TPH2: variants seen among roughly 807,000 people sequenced by gnomAD.
TPH2 encodes the protein tryptophan hydroxylase 2, also known as tryptophan 5-hydroxylase 2.
TPH2 carries 27 observed loss-of-function variants against 59.1 expected under a neutral mutation model. The ratio of observed to expected loss-of-function variants is 0.46; its 90% CI spans 0.34 to 0.63. The LOEUF is 0.63. TPH2 is among the 30% of genes least tolerant of loss of function. TPH2 has a pLI of 0.01. For missense variants in TPH2, 523 were observed against 588.3 expected (o/e 0.89, Z 1.15); for synonymous variants, 220 against 210.5 (o/e 1.05, Z -0.39).
At chr12:71,967,737 C>G (rs1480332825) in intron 5 of TPH2, among the ~76,000 whole-genome samples, 1 of 151,854 alleles carries the variant, frequency 6.6e-6, no homozygotes, top group African/African-American at 2.4e-5. Flanking sequence ...TTTATTTTTC[C>G]CACTCTTTAC....
intron 8 of TPH2, among the ~76,000 whole-genome samples, chr12:72,011,355 T>C (rs1045752023): frequency 1.3e-5 from 2 of 152,184 alleles, no homozygotes; most frequent in African/African-American, 2.4e-5. Flanking sequence ...ATAAAACCAA[T>C]TTTTAAAGAG....
rs771301512 is a variant in TPH2 at position 72,031,350 on chromosome 12, C to T, written c.1257C>T (p.Tyr419=). 8 of 1,613,586 alleles carry T rather than the reference C, an allele frequency of 5.0e-6. No individual in the cohort carries two copies. In the Admixed American group the frequency reaches 1.3e-4, roughly 27 times the overall value. The part of the protein sequence containing the change: ...ECLITTFQEA[Y]FVSESFEEAK... ...TTATCACCACCTTCCAGGAAGCCTA[C>T]TTTGTTTCAGAAAGTTTTGAAGAAG... The change falls in exon 10 of 11, where the codon TAC becomes TAT. Residue 419 remains tyrosine, a synonymous_variant. Transcript: ENST00000333850.
chr12:71,966,452 T>C (rs953463825), intron 5 of TPH2, among the ~76,000 whole-genome samples: 5 of 152,202 alleles, frequency 3.3e-5, no homozygotes, highest in African/African-American at 1.2e-4. Flanking sequence ...TTCTTTGTTT[T>C]CTCCAACCGC....
intron 1 of TPH2, among the ~76,000 whole-genome samples, chr12:71,941,368 A>G (rs1871059485): frequency 6.6e-6 from 1 of 152,164 alleles, no homozygotes; most frequent in South Asian, 2.1e-4. Context: ...TTCAACCACT[A>G]GATGATGTCT....
intron 7 of TPH2, among the ~76,000 whole-genome samples, chr12:71,985,990 C>A (rs1226300865): frequency 6.6e-6 from 1 of 152,158 alleles, no homozygotes; most frequent in Non-Finnish European, 1.5e-5. Context: ...GCACTGCAGA[C>A]CCAAATATGA....
At chr12:71,987,640 C>T (rs1039510903) in intron 7 of TPH2, among the ~76,000 whole-genome samples, 11 of 152,016 alleles carry the variant, frequency 7.2e-5, no homozygotes, top group South Asian at 2.1e-4. Context: ...CCTGAGGTCA[C>T]GAGTTTGAGA....
At chr12:71,989,754 A>G (rs1198730086) in intron 7 of TPH2, among the ~76,000 whole-genome samples, 3 of 152,242 alleles carry the variant, frequency 2.0e-5, no homozygotes, top group Non-Finnish European at 2.9e-5. Flanking sequence ...TTTGAACTTA[A>G]CAACCAGAAC....
At chr12:71,967,487 C>A (rs889029597) in intron 5 of TPH2, among the ~76,000 whole-genome samples, 4 of 152,200 alleles carry the variant, frequency 2.6e-5, no homozygotes, top group Non-Finnish European at 4.4e-5. Context: ...CTCATACAAT[C>A]TTAGTTTGCC....
chr12:71,971,189 A>C (rs936773120), intron 5 of TPH2, among the ~76,000 whole-genome samples: 23 of 152,176 alleles, frequency 1.5e-4, no homozygotes, highest in African/African-American at 5.6e-4. Context: ...CCTGAGTGAC[A>C]GTTGCTGTCT....
At chr12:71,939,395 CAAAAAAAAAA>C (rs5799057) in intron 1 of TPH2, among the ~76,000 whole-genome samples, 1 of 121,686 alleles carries the variant, frequency 8.2e-6, no homozygotes, top group Non-Finnish European at 1.6e-5. Flanking sequence ...AATCTACAGC[CAAAAAAAAAA>C]AAAAAAAAAT....
intron 9 of TPH2, among the ~76,000 whole-genome samples, chr12:72,024,033 A>C (rs760940648): frequency 1.4e-4 from 22 of 151,952 alleles, no homozygotes; most frequent in Non-Finnish European, 3.2e-4. Flanking sequence ...TCTGGGCTCA[A>C]ATCCCAGCCA....
Position 71,979,034 on chromosome 12 carries a change from C to T in TPH2, c.888C>T (p.Phe296=). The T allele has an allele frequency of 6.2e-7, 1 of 1,614,120 alleles. No individual in the cohort carries two copies. The part of the protein sequence containing the change: ...DFLAGLAYRV[F]HCTQYIRHGS... Reference sequence around the variant, plus strand: ...TGGCAGGACTGGCCTACAGAGTGTTCCACTGTACCCAGTACATCCGGCATG... The same window carrying T: ...TGGCAGGACTGGCCTACAGAGTGTTTCACTGTACCCAGTACATCCGGCATG... The change falls in exon 7 of 11, where the codon TTC becomes TTT. Residue 296 remains phenylalanine (F), a synonymous_variant. Coordinates refer to ENST00000333850, the MANE Select transcript of TPH2 (RefSeq NM_173353.4).
chr12:71,955,337 G>C (rs1228944277), intron 5 of TPH2, among the ~76,000 whole-genome samples: 1 of 152,126 alleles, frequency 6.6e-6, no homozygotes, highest in African/African-American at 2.4e-5. Flanking sequence ...TGAAGTAAGT[G>C]GGGCATTGCT....
At chr12:72,016,174 A>G (rs893370951) in intron 8 of TPH2, among the ~76,000 whole-genome samples, 4 of 152,158 alleles carry the variant, frequency 2.6e-5, no homozygotes, top group Non-Finnish European at 5.9e-5. Flanking sequence ...CTACTTCACA[A>G]TGGGCAGTAA....
At chr12:72,013,036 C>G (rs576575657) in intron 8 of TPH2, among the ~76,000 whole-genome samples, 1 of 152,240 alleles carries the variant, frequency 6.6e-6, no homozygotes, top group African/African-American at 2.4e-5. Flanking sequence ...CAGACTAAAA[C>G]AGTGCTGCTG....
At chr12:71,962,438 T>C (rs1013893240) in intron 5 of TPH2, 1 of 985,424 alleles carries the variant, frequency 1.0e-6, no homozygotes. Flanking sequence ...CAAGTGTGAC[T>C]GAGTGATGAT....
intron 4 of TPH2, among the ~76,000 whole-genome samples, chr12:71,949,363 T>C (rs1386688811): frequency 6.6e-6 from 1 of 152,180 alleles, no homozygotes; most frequent in Non-Finnish European, 1.5e-5. Context: ...AGTGGAAAGG[T>C]AAACTTTAGC....
chr12:71,999,000 G>A (rs538213985), intron 8 of TPH2, among the ~76,000 whole-genome samples: 1 of 152,158 alleles, frequency 6.6e-6, no homozygotes, highest in African/African-American at 2.4e-5. Flanking sequence ...AGAGAGTCAT[G>A]CCTAGTGAAA....
chr12:72,002,863 ATT>A (rs1872861957), intron 8 of TPH2, among the ~76,000 whole-genome samples: 1 of 152,064 alleles, frequency 6.6e-6, no homozygotes, highest in African/African-American at 2.4e-5. Flanking sequence ...AAGTAAAAGA[ATT>A]TGCATTGATT....
Sources: gnomAD v4.1 joint callset for allele counts (sites outside exome capture counted in the v4.1 genomes callset) on GRCh38, gnomAD v4.1.1 for gene constraint, MANE v1.5 for transcripts, NCBI Gene and HGNC (gene_info 2026-07-23, HGNC 2026-07-21) for gene names.